The following SYNPO2 variants were observed in gnomAD, a reference collection of about 807,000 sequenced individuals.
SYNPO2 encodes the protein synaptopodin-2.
SYNPO2 carries 56 observed loss-of-function variants against 85.0 expected under a neutral mutation model. That is an observed-to-expected ratio of 0.66 (90% confidence interval 0.53 to 0.82). The LOEUF is 0.82. Among genes scored for constraint, SYNPO2 ranks in the 40% least tolerant of loss-of-function variants. The pLI is 0.00. For synonymous variants in SYNPO2, 602 were observed against 591.1 expected, an observed-to-expected ratio of 1.02 and a Z score of -0.27; for missense variants, 1,575 against 1,534.2, an observed-to-expected ratio of 1.03 and a Z score of -0.44.
chr4:119,021,634 T>C (rs1005964756), intron 1 of SYNPO2, among the ~76,000 whole-genome samples: 3 of 152,114 alleles, frequency 2.0e-5, no homozygotes, highest in Admixed American at 1.3e-4. Flanking sequence ...GGTGGCATGC[T>C]CAAAGAAGAA....
chr4:118,973,618 C>T (rs898320014), intron 1 of SYNPO2, among the ~76,000 whole-genome samples: 5 of 152,000 alleles, frequency 3.3e-5, no homozygotes, highest in Non-Finnish European at 4.4e-5. Context: ...TTAACCCATG[C>T]GTGTTGAGTT....
intron 4 of SYNPO2, chr4:119,038,384 A>G: frequency 1.0e-6 from 1 of 974,336 alleles, no homozygotes; most frequent in East Asian, 1.1e-4. Context: ...AAAAAAAATG[A>G]AATTTACAGC....
intron 1 of SYNPO2, among the ~76,000 whole-genome samples, chr4:118,912,518 CCTT>C (rs1475460711): frequency 6.6e-6 from 1 of 151,870 alleles, no homozygotes; most frequent in Non-Finnish European, 1.5e-5. Flanking sequence ...GGTAAATCTT[CCTT>C]CTTATAATTT....
At chr4:118,892,842 T>G (rs2149114652) in intron 1 of SYNPO2, among the ~76,000 whole-genome samples, 1 of 152,286 alleles carries the variant, frequency 6.6e-6, no homozygotes, top group Non-Finnish European at 1.5e-5. Context: ...CTTCATTTCA[T>G]AAGGCCAAAA....
chr4:119,039,546 T>A (rs889345269), intron 4 of SYNPO2, among the ~76,000 whole-genome samples: 5 of 152,194 alleles, frequency 3.3e-5, no homozygotes, highest in African/African-American at 1.2e-4. Flanking sequence ...TCAGCCTATT[T>A]GCTTATTACA....
intron 1 of SYNPO2, among the ~76,000 whole-genome samples, chr4:118,900,451 GTATGA>G (rs1035855412): frequency 7.2e-5 from 11 of 151,954 alleles, no homozygotes; most frequent in African/African-American, 2.7e-4. Context: ...ACAAATGTCT[GTATGA>G]TATAAAAACT....
intron 1 of SYNPO2, among the ~76,000 whole-genome samples, chr4:118,930,751 CAAAAA>C (rs3051232): frequency 1.7e-5 from 2 of 119,994 alleles, no homozygotes; most frequent in East Asian, 2.4e-4. Context: ...CCCATATCTA[CAAAAA>C]AAAAAAAAAA....
intron 1 of SYNPO2, among the ~76,000 whole-genome samples, chr4:118,941,551 C>T (rs916353032): frequency 6.6e-6 from 1 of 152,180 alleles, no homozygotes; most frequent in Non-Finnish European, 1.5e-5. Context: ...GCCATTTATA[C>T]ATTTTTTATC....
chr4:118,905,667 G>A (rs1439834079), intron 1 of SYNPO2, among the ~76,000 whole-genome samples: 3 of 151,996 alleles, frequency 2.0e-5, no homozygotes, highest in African/African-American at 4.8e-5. Flanking sequence ...TCCTTTCATT[G>A]TACTTATCCT....
chr4:118,987,850 A>T (rs373656792), intron 1 of SYNPO2, among the ~76,000 whole-genome samples: 1 of 152,192 alleles, frequency 6.6e-6, no homozygotes, highest in Non-Finnish European at 1.5e-5. Flanking sequence ...CATACCTTTT[A>T]TATATTCTTC....
chr4:119,007,229 T>TGC (rs1716940918), intron 1 of SYNPO2, among the ~76,000 whole-genome samples: 1 of 48,058 alleles, frequency 2.1e-5, no homozygotes, highest in African/African-American at 9.2e-5. Context: ...TATATATATA[T>TGC]ATATATATAT....
rs779193710 is a variant in SYNPO2, at chr4:119,057,568, C to T, written c.3420C>T (p.Leu1140=). 2.0e-5 allele frequency: 32 copies of T among 1,613,942 alleles called. No individual in the cohort carries two copies. The East Asian group carries it at 2.9e-4, about 15-fold the overall frequency. The change falls in exon 5 of 5, where the codon CTC becomes CTT. Residue 1140 remains leucine, a synonymous_variant. Transcript: ENST00000307142. The part of the protein sequence containing the change: ...TPWEAAAKSP[L]GLVDDAFQPR... The stretch of plus-strand genomic sequence containing the variant: ...GGGAAGCAGCAGCAAAGTCTCCTCT[C>T]GGTCTAGTGGATGATGCTTTCCAAC...
chr4:119,021,542 A>T (rs889871118), intron 1 of SYNPO2, among the ~76,000 whole-genome samples: 1 of 152,212 alleles, frequency 6.6e-6, no homozygotes, highest in African/African-American at 2.4e-5. Flanking sequence ...TATGGTCATC[A>T]TACATGGTTC....
At chr4:118,879,711 C>A (rs1732037938) in intron 1 of SYNPO2, among the ~76,000 whole-genome samples, 1 of 152,164 alleles carries the variant, frequency 6.6e-6, no homozygotes, top group Non-Finnish European at 1.5e-5. Flanking sequence ...TCTTGGGGTT[C>A]AACAGAGCAG....
intron 1 of SYNPO2, among the ~76,000 whole-genome samples, chr4:118,980,254 C>T (rs1043863894): frequency 1.3e-5 from 2 of 152,162 alleles, no homozygotes; most frequent in Non-Finnish European, 1.5e-5. Context: ...GGGGCCCACT[C>T]AGACCTTACA....
At chr4:118,922,771 A>G (rs981284380) in intron 1 of SYNPO2, among the ~76,000 whole-genome samples, 2 of 151,658 alleles carry the variant, frequency 1.3e-5, no homozygotes, top group Admixed American at 1.3e-4. Flanking sequence ...AGAGAGACTT[A>G]GTGTTGTCTT....
intron 1 of SYNPO2, among the ~76,000 whole-genome samples, chr4:118,969,415 T>TACA (rs140612890): frequency 0.81 from 122,440 of 151,774 alleles, 49,622 homozygotes; most frequent in South Asian, 0.89. Context: ...TGTAAAAAAG[T>TACA]ACGTTTCTCT....
intron 1 of SYNPO2, among the ~76,000 whole-genome samples, chr4:118,935,283 T>C (rs1734062194): frequency 6.6e-6 from 1 of 152,154 alleles, no homozygotes; most frequent in African/African-American, 2.4e-5. Flanking sequence ...AATAAGCCAG[T>C]CTCAGAAATG....
intron 1 of SYNPO2, among the ~76,000 whole-genome samples, chr4:118,940,071 C>T (rs772773816): frequency 2.0e-5 from 3 of 151,150 alleles, no homozygotes; most frequent in Non-Finnish European, 2.9e-5. Context: ...CTGCAACCTC[C>T]GCCTCCCGGG....
Sources: gnomAD v4.1 joint callset for allele counts (sites outside exome capture counted in the v4.1 genomes callset) on GRCh38, gnomAD v4.1.1 for gene constraint, MANE v1.5 for transcripts, NCBI Gene and HGNC (gene_info 2026-07-23, HGNC 2026-07-21) for gene names.